The following RGPD2 variants were observed in gnomAD, a reference collection of about 807,000 sequenced individuals.
RGPD2 encodes the protein RANBP2 like and GRIP domain containing 2, also known as RANBP2-like and GRIP domain-containing protein 2.
RGPD2 carries 2 observed loss-of-function variants against 36.0 expected under a neutral mutation model. The observed-to-expected ratio is 0.06, with a 90% CI of 0.02 to 0.17. RGPD2 has a LOEUF of 0.17. Among genes scored for constraint, RGPD2 ranks in the 10% least tolerant of loss-of-function variants. The pLI is 1.00. For missense variants in RGPD2, 40 were observed against 464.3 expected (o/e 0.09, Z 8.40); for synonymous variants, 19 against 163.8 (o/e 0.12, Z 6.75).
the RGPD2 span, among the ~76,000 whole-genome samples, chr2:87,967,223 C>G: frequency 7.2e-6 from 1 of 139,168 alleles, no homozygotes; most frequent in Non-Finnish European, 1.5e-5. Context: ...CTGGCTAACA[C>G]AGTGAAACCC....
the RGPD2 span, among the ~76,000 whole-genome samples, chr2:87,933,735 A>T: frequency 6.7e-6 from 1 of 148,928 alleles, no homozygotes; most frequent in African/African-American, 2.5e-5. Flanking sequence ...TGATTGCATT[A>T]TGAAATTCTT....
the RGPD2 span, among the ~76,000 whole-genome samples, chr2:87,980,285 A>C: frequency 1.3e-5 from 1 of 74,474 alleles, no homozygotes; most frequent in Non-Finnish European, 2.8e-5. Context: ...TGGGAGGCGG[A>C]GATTGCAGTG....
upstream of RGPD2, among the ~76,000 whole-genome samples, chr2:87,827,143 GA>G (rs1686834029): frequency 6.6e-6 from 1 of 151,978 alleles, no homozygotes; most frequent in Admixed American, 6.6e-5. Context: ...CAAAAAATGA[GA>G]TTGACAGGAA....
intron 1 of RGPD2, among the ~76,000 whole-genome samples, chr2:87,824,147 C>G (rs1244860499): frequency 6.1e-5 from 9 of 147,008 alleles, no homozygotes; most frequent in South Asian, 2.2e-4. Context: ...CTCAGCCTAC[C>G]GAGTAGGTGG....
chr2:87,989,690 A>C, the RGPD2 span: 1 of 899,700 alleles, frequency 1.1e-6, no homozygotes, highest in Non-Finnish European at 1.6e-6. Flanking sequence ...AAATGTTTGT[A>C]CTTACTAGGG....
At chr2:87,950,833 CT>C in the RGPD2 span, among the ~76,000 whole-genome samples, 1 of 137,224 alleles carries the variant, frequency 7.3e-6, no homozygotes, top group African/African-American at 2.7e-5. Flanking sequence ...CCAGTGATGC[CT>C]TCAGATGATT....
the RGPD2 span, among the ~76,000 whole-genome samples, chr2:87,978,879 C>T: frequency 2.0e-5 from 3 of 147,774 alleles, no homozygotes; most frequent in South Asian, 4.3e-4. Flanking sequence ...GATAGCATCA[C>T]TGCAGTCCGG....
the RGPD2 span, among the ~76,000 whole-genome samples, chr2:87,941,369 TA>T: frequency 1.7e-4 from 26 of 151,508 alleles, no homozygotes; most frequent in Non-Finnish European, 3.8e-4. Context: ...TAGGTTGTAA[TA>T]AAAAATATTT....
At chr2:87,962,560 G>A in the RGPD2 span, among the ~76,000 whole-genome samples, 1 of 152,018 alleles carries the variant, frequency 6.6e-6, no homozygotes, top group Non-Finnish European at 1.5e-5. Context: ...CTAGTTTGGA[G>A]TGGAAAATCC....
the RGPD2 span, among the ~76,000 whole-genome samples, chr2:87,929,154 G>A: frequency 6.6e-6 from 1 of 151,790 alleles, no homozygotes; most frequent in African/African-American, 2.4e-5. Flanking sequence ...TATTGCCTAA[G>A]TTGTCTTCCA....
chr2:87,857,785 A>T, the RGPD2 span, among the ~76,000 whole-genome samples: 1 of 150,552 alleles, frequency 6.6e-6, no homozygotes, highest in South Asian at 2.1e-4. Context: ...AAAAAAAAAA[A>T]AAAAAAAAAA....
At chr2:87,848,859 GGTGTGTGTGT>G in the RGPD2 span, among the ~76,000 whole-genome samples, 14 of 145,032 alleles carry the variant, frequency 9.7e-5, no homozygotes, top group African/African-American at 3.3e-4. Context: ...TTGAGGGTGT[GGTGTGTGTGT>G]GTGTGTGTGT....
chr2:87,892,322 G>A, the RGPD2 span, among the ~76,000 whole-genome samples: 1 of 151,358 alleles, frequency 6.6e-6, no homozygotes, highest in African/African-American at 2.4e-5. Flanking sequence ...GGCAATTGAA[G>A]TATGAAAGTG....
chr2:87,813,090 C>T (rs2104348355), intron 4 of RGPD2, among the ~76,000 whole-genome samples: 1 of 152,342 alleles, frequency 6.6e-6, no homozygotes, highest in African/African-American at 2.4e-5. Flanking sequence ...ATGACAAGTT[C>T]CCTTCAAGAC....
upstream of RGPD2, among the ~76,000 whole-genome samples, chr2:87,830,786 C>T (rs1672477011): frequency 6.6e-6 from 1 of 151,954 alleles, no homozygotes; most frequent in African/African-American, 2.4e-5. Context: ...TTTATAAAAC[C>T]ATCATATCTC....
At chr2:87,885,125 A>G in the RGPD2 span, among the ~76,000 whole-genome samples, 2 of 152,000 alleles carry the variant, frequency 1.3e-5, no homozygotes, top group African/African-American at 4.8e-5. Flanking sequence ...AATATCTTCA[A>G]CAATACATTA....
In RGPD2 at chr2:87,756,325, T is replaced by C. The variant is rs1443424428; in HGVS notation, c.*1067A>G. 1 of 99,404 alleles carries C rather than the reference T, an allele frequency of 1.0e-5. No individual in the cohort carries two copies. The highest frequency in any genetic ancestry group is 3.6e-5 in the African/African-American group (1 of 27,904). 6.2% of individuals were successfully genotyped at this position (99,404 alleles called of 1,614,324 possible). ...CCTGTTTGGCACTTTTTCATATCAC[T>C]GGGAGCCTGAAGAAATAGAAGTGGG... is the stretch of plus-strand genomic sequence containing the variant. On this transcript the variant is annotated 3_prime_UTR_variant, in exon 23 of 23. Coordinates refer to ENST00000398146, the MANE Select transcript of RGPD2 (RefSeq NM_001078170.3).
intron 22 of RGPD2, among the ~76,000 whole-genome samples, chr2:87,758,969 C>T (rs1231163615): frequency 7.0e-6 from 1 of 142,380 alleles, no homozygotes; most frequent in Non-Finnish European, 1.6e-5. Context: ...AACGTGTTCA[C>T]CTCTCGGAAA....
At chr2:87,965,078 G>C in the RGPD2 span, among the ~76,000 whole-genome samples, 1 of 145,652 alleles carries the variant, frequency 6.9e-6, no homozygotes, top group East Asian at 2.0e-4. Context: ...GTGATTTTCT[G>C]TTTATCTCAA....
Sources: allele counts gnomAD v4.1 joint callset (sites outside exome capture counted in the v4.1 genomes callset), GRCh38; gene constraint gnomAD v4.1.1; transcripts MANE v1.5; gene names NCBI Gene and HGNC (gene_info 2026-07-23, HGNC 2026-07-21).